RANBP3L: variants seen among roughly 807,000 people sequenced by gnomAD.
RANBP3L encodes the protein ran-binding protein 3-like.
In RANBP3L, 56 loss-of-function variants were observed where a neutral mutation model predicts 67.2. The observed-to-expected ratio is 0.83, with a 90% CI of 0.67 to 1.04. The LOEUF (loss-of-function observed/expected upper bound fraction) is 1.04. RANBP3L is among the 50% of genes least tolerant of loss of function. The pLI is 0.00. For synonymous variants in RANBP3L, 164 were observed against 181.4 expected (o/e 0.90, Z 0.77); for missense variants, 496 against 535.5 (o/e 0.93, Z 0.73).
intron 1 of RANBP3L, among the ~76,000 whole-genome samples, chr5:36,275,354 C>T (rs892726120): frequency 6.6e-6 from 1 of 152,170 alleles, no homozygotes. Context: ...TAAGTGGCAA[C>T]GCCTTTAATT....
rs545374838 is a variant in RANBP3L at position 36,268,032 on chromosome 5, T to C, written c.268+1358A>G. 2.0e-5 allele frequency among the ~76,000 whole-genome samples: 3 copies of C among 152,348 alleles called. No individual in the cohort carries two copies. The South Asian group carries it at 6.2e-4, about 32-fold the overall frequency. ...AAACATATACTCAGAATTTGTGAAG[T>C]TAGAATTCATAAGGTATTCTTCGAT... On this transcript the variant is annotated intron_variant, in intron 4 of 13. Coordinates refer to ENST00000296604, the MANE Select transcript of RANBP3L (RefSeq NM_145000.5).
rs1561156420 is a variant in RANBP3L, at chr5:36,301,510, ACATAGATT to A, written c.-102_-95del. The A allele has an allele frequency of 1.2e-6, 1 of 827,898 alleles. No individual in the cohort carries two copies. The highest frequency in any genetic ancestry group is 1.7e-5 in the African/African-American group (1 of 60,090). 51.3% of individuals were successfully genotyped at this position (827,898 alleles called of 1,614,324 possible). On this transcript the variant is annotated 5_prime_UTR_variant, in exon 1 of 14. An upstream start codon of the reference 5' UTR is lost. Transcript: ENST00000296604. Reference sequence around the variant, plus strand: ...TGGCCTTCACCAGACACCCAGAAATACATAGATTCATGCAGATCTTGTCTTTGCATGTA... The same window carrying A: ...TGGCCTTCACCAGACACCCAGAAATACATGCAGATCTTGTCTTTGCATGTA...
chr5:36,265,977 C>CAAAAAAA (rs10717173), intron 4 of RANBP3L, among the ~76,000 whole-genome samples: 2 of 76,080 alleles, frequency 2.6e-5, no homozygotes, highest in Non-Finnish European at 2.5e-5. Context: ...GACTCCATTT[C>CAAAAAAA]AAAAAAAAAA....
chr5:36,254,761 A>G lies in RANBP3L; in HGVS notation c.1024+709T>C, dbSNP rs902345873. ...CTCCTCCAAAGTCCTGACCTCTCAA[A>G]ATTGACCAATAAATCCATTCATCCT... On this transcript the variant is annotated intron_variant, in intron 11 of 13. Coordinates refer to ENST00000296604, the MANE Select transcript of RANBP3L (RefSeq NM_145000.5). Among the ~76,000 whole-genome samples, 4 of 152,044 alleles carry G rather than the reference A, an allele frequency of 2.6e-5. No homozygotes were observed. The South Asian group carries it at 8.3e-4, about 32-fold the overall frequency.
chr5:36,257,027 C>T lies in RANBP3L; in HGVS notation c.817G>A (p.Ala273Thr). The change falls in exon 10 of 14, where the codon GCA becomes ACA. Residue 273 changes from alanine (A) to threonine (T), a missense_variant. Transcript: ENST00000296604. ...TTTCGTGATGGTTGGGAAGAGAATG[C>T]AGCAGCTGATTCAATTAGGGAAGTA... ...KNTSLIESAA[A>T]FSSQPSRKCL... 1 of 1,612,458 alleles carries T rather than the reference C, an allele frequency of 6.2e-7. No homozygotes were observed. The highest frequency in any genetic ancestry group is 2.2e-5 in the East Asian group (1 of 44,788).
At chr5:36,269,835 T>TA in intron 3 of RANBP3L, 116 bp downstream of exon 3, 3 of 907,442 alleles carry the variant, frequency 3.3e-6, no homozygotes, top group Non-Finnish European at 5.5e-6. Context: ...CTGGCATATT[T>TA]AAAAAAAGAA....
chr5:36,269,649 G>A (rs962313299), intron 3 of RANBP3L, among the ~76,000 whole-genome samples, 182 bp from the exon 4 acceptor site: 10 of 152,098 alleles, frequency 6.6e-5, no homozygotes, highest in African/African-American at 2.4e-4. Flanking sequence ...TATCATACTA[G>A]TATGAAACAA....
chr5:36,301,310 AGCTG>A lies in RANBP3L; in HGVS notation c.91+12_91+15del. On this transcript the variant is annotated intron_variant, in intron 1 of 13. Coordinates refer to ENST00000296604, the MANE Select transcript of RANBP3L (RefSeq NM_145000.5). The stretch of plus-strand genomic sequence containing the variant: ...AAGGTCACAGAATATGCAACTCATG[AGCTG>A]GACGGACTCACCTTGCTGTCGCCGG... 6.3e-7 allele frequency: 1 copy of A among 1,589,082 alleles called. No homozygotes were observed. Among genetic ancestry groups the A allele is most frequent in the African/African-American group, 1.3e-5 (1 of 74,622 alleles).
At chr5:36,289,471 A>G (rs1211154024) in intron 1 of RANBP3L, among the ~76,000 whole-genome samples, 1 of 152,188 alleles carries the variant, frequency 6.6e-6, no homozygotes, top group African/African-American at 2.4e-5. Context: ...CCTTGACTCT[A>G]TAGGTCAAGT....
chr5:36,253,442 T>G (rs1446159044), intron 12 of RANBP3L, among the ~76,000 whole-genome samples: 1 of 152,130 alleles, frequency 6.6e-6, no homozygotes, highest in Non-Finnish European at 1.5e-5. Context: ...TGTCTTGGAA[T>G]GAGTACCAAT....
At position 36,247,358 on chromosome 5, in the gene RANBP3L, G is replaced by T. The variant is rs1748351418; in HGVS notation, c.*2296C>A. Among the ~76,000 whole-genome samples, 1 of 152,144 alleles carries T rather than the reference G, an allele frequency of 6.6e-6. No homozygotes were observed. Among genetic ancestry groups the T allele is most frequent in the Non-Finnish European group, 1.5e-5 (1 of 68,030 alleles). On this transcript the variant is annotated 3_prime_UTR_variant, in exon 14 of 14. Transcript: ENST00000296604. Reference sequence around the variant, plus strand: ...GTTCTTCTTCTCCATTTCATAATCTGGGAATTTTCTCTTCTCTCTTTGCCT... The same window carrying T: ...GTTCTTCTTCTCCATTTCATAATCTTGGAATTTTCTCTTCTCTCTTTGCCT...
intron 1 of RANBP3L, among the ~76,000 whole-genome samples, chr5:36,292,198 C>T (rs1198459652): frequency 6.6e-6 from 1 of 152,058 alleles, no homozygotes; most frequent in African/African-American, 2.4e-5. Flanking sequence ...TAAATGTCTT[C>T]TTTTGAGAAG....
In RANBP3L at chr5:36,257,490, A is replaced by G. The variant is rs757485595; in HGVS notation, c.736T>C (p.Ser246Pro). ...AAGTTGACAGGAAATTTCGGAATGG[A>G]TTTGAATGGTTTTTCCTTGGCATAT... Reference protein sequence around the residue: ...DSYAKEKPFKSIPKFPVNFLS... With the variant: ...DSYAKEKPFKPIPKFPVNFLS... The change falls in exon 9 of 14, where the codon TCC (serine) becomes CCC (proline). Residue 246 changes from serine (S) to proline (P), a missense_variant. By Grantham distance (74) the Ser-to-Pro change is moderately conservative. Transcript: ENST00000296604. 1.0e-5 allele frequency: 16 copies of G among 1,597,444 alleles called. 1 individual carries two copies. In the African/African-American group the frequency reaches 1.5e-4, roughly 15 times the overall value.
chr5:36,298,765 G>A (rs1752411377), intron 1 of RANBP3L, among the ~76,000 whole-genome samples: 1 of 152,134 alleles, frequency 6.6e-6, no homozygotes, highest in South Asian at 2.1e-4. Flanking sequence ...TTGAGACTTG[G>A]GTGTGGAAGA....
chr5:36,255,624 A>G, intron 10 of RANBP3L, 34 bp from the exon 11 acceptor site: 1 of 1,541,506 alleles, frequency 6.5e-7, no homozygotes, highest in East Asian at 2.3e-5. Flanking sequence ...TCAAATATAT[A>G]GAAAATTTTT....
intron 1 of RANBP3L, among the ~76,000 whole-genome samples, chr5:36,297,843 A>T (rs147683924): frequency 6.6e-6 from 1 of 152,192 alleles, no homozygotes; most frequent in African/African-American, 2.4e-5. Flanking sequence ...TTCAATTTGC[A>T]TACTCAGCAT....
At chr5:36,253,561 T>G (rs1236484361) in intron 12 of RANBP3L, 86 bp downstream of exon 12, 1 of 1,096,264 alleles carries the variant, frequency 9.1e-7, no homozygotes, top group East Asian at 2.4e-5. Flanking sequence ...TACAGATTAT[T>G]ATACCTAATG....
intron 1 of RANBP3L, among the ~76,000 whole-genome samples, chr5:36,292,131 T>G (rs1300699610): frequency 6.6e-6 from 1 of 152,000 alleles, no homozygotes; most frequent in Non-Finnish European, 1.5e-5. Context: ...TGGTTTTGAT[T>G]TGCATTCTCT....
rs752106917 is a variant in RANBP3L at position 36,253,757 on chromosome 5, G to A, written c.1057C>T (p.Leu353Phe). 6.2e-7 allele frequency: 1 copy of A among 1,613,070 alleles called. No homozygotes were observed. Among genetic ancestry groups the A allele is most frequent in the Non-Finnish European group, 8.5e-7 (1 of 1,179,230 alleles). ...ATTTGGGCCCAGAGTTTGCTGTTGAGGATCAGCCTTAGACTGCCTTGATTG... is the reference window on the plus strand; with the variant it reads ...ATTTGGGCCCAGAGTTTGCTGTTGAAGATCAGCCTTAGACTGCCTTGATTG... Reference protein sequence around the residue: ...MRNQGSLRLILNSKLWAQMKI... With the variant: ...MRNQGSLRLIFNSKLWAQMKI... Residue 353 changes from leucine to phenylalanine, a missense_variant, in exon 12 of 14, where the codon CTC (leucine) becomes TTC (phenylalanine). Physicochemically the swap from Leu to Phe is conservative, Grantham distance 22 (BLOSUM62 0). Coordinates refer to ENST00000296604, the MANE Select transcript of RANBP3L (RefSeq NM_145000.5).
Sources: allele counts gnomAD v4.1 joint callset (sites outside exome capture counted in the v4.1 genomes callset), GRCh38; gene constraint gnomAD v4.1.1; transcripts MANE v1.5; gene names NCBI Gene and HGNC (gene_info 2026-07-23, HGNC 2026-07-21).